The following SHROOM3 variants were observed in gnomAD, a reference collection of about 807,000 sequenced individuals.
SHROOM3 encodes the protein shroom family member 3.
In SHROOM3, 47 loss-of-function variants were observed where a neutral mutation model predicts 138.6. The ratio of observed to expected loss-of-function variants is 0.34; its 90% confidence interval spans 0.27 to 0.43. The LOEUF is 0.43. SHROOM3 is among the 20% of genes least tolerant of loss of function. SHROOM3 has a pLI of 1.00. For missense variants in SHROOM3, 2,491 were observed against 2,596.5 expected (o/e 0.96, Z 0.88); for synonymous variants, 1,062 against 1,063.3 (o/e 1.00, Z 0.02).
chr4:76,705,193 G>A (rs1577984950), intron 2 of SHROOM3, among the ~76,000 whole-genome samples: 1 of 151,890 alleles, frequency 6.6e-6, no homozygotes, highest in Non-Finnish European at 1.5e-5. Flanking sequence ...AAATAGGTTG[G>A]GCATGGTAAC....
chr4:76,479,579 T>G (rs935643046), intron 1 of SHROOM3, among the ~76,000 whole-genome samples: 1 of 152,122 alleles, frequency 6.6e-6, no homozygotes, highest in African/African-American at 2.4e-5. Flanking sequence ...CCAGGAGAAC[T>G]TCCCCAACCT....
At chr4:76,469,715 C>G (rs1731328301) in intron 1 of SHROOM3, among the ~76,000 whole-genome samples, 1 of 152,192 alleles carries the variant, frequency 6.6e-6, no homozygotes, top group African/African-American at 2.4e-5. Flanking sequence ...CCTTGGCCTC[C>G]CAAAGTGCTG....
At chr4:76,479,491 C>A (rs1731560493) in intron 1 of SHROOM3, among the ~76,000 whole-genome samples, 1 of 151,922 alleles carries the variant, frequency 6.6e-6, no homozygotes, top group African/African-American at 2.4e-5. Flanking sequence ...GTGGAAAGAC[C>A]AAACCTACAT....
chr4:76,540,157 G>C (rs932009719), intron 1 of SHROOM3, among the ~76,000 whole-genome samples: 1 of 152,190 alleles, frequency 6.6e-6, no homozygotes, highest in African/African-American at 2.4e-5. Flanking sequence ...CTGGCCTCTG[G>C]AATCTGATGG....
intron 2 of SHROOM3, among the ~76,000 whole-genome samples, chr4:76,665,985 A>C (rs1718682073): frequency 6.6e-6 from 1 of 152,208 alleles, no homozygotes; most frequent in South Asian, 2.1e-4. Context: ...GAAATCTTTA[A>C]GTGCATTAGG....
chr4:76,771,641 AG>A, intron 10 of SHROOM3, among the ~76,000 whole-genome samples: 1 of 152,088 alleles, frequency 6.6e-6, no homozygotes, highest in East Asian at 1.9e-4. Context: ...GGGAGGGTAC[AG>A]GGGGACAGGT....
intron 1 of SHROOM3, among the ~76,000 whole-genome samples, chr4:76,516,594 T>TA (rs1196432710): frequency 4.3e-4 from 65 of 149,574 alleles, no homozygotes; most frequent in African/African-American, 8.1e-4. Context: ...GAGCATGATT[T>TA]AGAAAAAAAA....
At chr4:76,656,985 G>A (rs1018367650) in intron 2 of SHROOM3, among the ~76,000 whole-genome samples, 4 of 151,964 alleles carry the variant, frequency 2.6e-5, no homozygotes, top group East Asian at 1.9e-4. Flanking sequence ...CAGCCTGGCC[G>A]ACATAGTGAA....
chr4:76,486,805 G>A (rs923249752), intron 1 of SHROOM3, among the ~76,000 whole-genome samples: 5 of 152,052 alleles, frequency 3.3e-5, no homozygotes, highest in African/African-American at 4.8e-5. Context: ...CCCTTGTGAA[G>A]GACAAAGGTC....
chr4:76,455,302 CA>C (rs1270348516), intron 1 of SHROOM3, among the ~76,000 whole-genome samples: 1 of 151,688 alleles, frequency 6.6e-6, no homozygotes, highest in Non-Finnish European at 1.5e-5. Context: ...TCTATTATGT[CA>C]CACTTTAAAA....
At chr4:76,767,066 T>C (rs552481838) in intron 9 of SHROOM3, among the ~76,000 whole-genome samples, 18 of 152,320 alleles carry the variant, frequency 1.2e-4, no homozygotes, top group African/African-American at 4.3e-4. Context: ...CCAGCACTGA[T>C]GTCTCTGAAA....
chr4:76,654,832 A>G (rs1736033370), intron 2 of SHROOM3, among the ~76,000 whole-genome samples: 2 of 152,182 alleles, frequency 1.3e-5, no homozygotes, highest in African/African-American at 4.8e-5. Flanking sequence ...TATTATATTA[A>G]CTTATTATCC....
intron 2 of SHROOM3, among the ~76,000 whole-genome samples, chr4:76,624,530 C>T (rs747749457): frequency 2.0e-5 from 3 of 152,052 alleles, no homozygotes; most frequent in South Asian, 2.1e-4. Flanking sequence ...TTTTGTTATT[C>T]GGGTTTCCAA....
chr4:76,773,106 G>A (rs575911530), intron 10 of SHROOM3, among the ~76,000 whole-genome samples: 3 of 152,268 alleles, frequency 2.0e-5, no homozygotes, highest in South Asian at 2.1e-4. Flanking sequence ...GCTGGGTGCA[G>A]TGGCTCACAC....
chr4:76,692,245 G>C (rs1719575284), intron 2 of SHROOM3, among the ~76,000 whole-genome samples: 1 of 152,158 alleles, frequency 6.6e-6, no homozygotes, highest in African/African-American at 2.4e-5. Context: ...TCAGAAACTA[G>C]TTTTCTTATG....
In SHROOM3 at chr4:76,567,514, G is replaced by C. The variant is rs140506140; in HGVS notation, c.323+11751G>C. ...AAATACAAAAAATTAGCCGGGCGTC[G>C]TGGTGAGCGCCTGTAGTCCCAGCTA... is the stretch of plus-strand genomic sequence containing the variant. On this transcript the variant is annotated intron_variant, in intron 2 of 10. Transcript: ENST00000296043. Among the ~76,000 whole-genome samples, 844 of 152,234 alleles carry C rather than the reference G, an allele frequency of 5.5e-3. 11 individuals carry two copies. Among genetic ancestry groups the C allele is most frequent in the African/African-American group, 0.019 (804 of 41,542 alleles).
At chr4:76,456,964 A>T (rs1233082732) in intron 1 of SHROOM3, among the ~76,000 whole-genome samples, 1 of 152,238 alleles carries the variant, frequency 6.6e-6, no homozygotes, top group African/African-American at 2.4e-5. Context: ...GGCGGAGATT[A>T]CAAAGTACAT....
Position 76,734,563 on chromosome 4 carries a change from T to G in SHROOM3, c.587+3628T>G, listed in dbSNP as rs1015933849. On this transcript the variant is annotated intron_variant, in intron 4 of 10. Transcript: ENST00000296043. ...TCTCACTGTGTTGCCCAGGCTGGGG[T>G]GCAGTGATGCGATCAAGGCTAACTC... Among the ~76,000 whole-genome samples, 335 of 149,630 alleles carry G rather than the reference T, an allele frequency of 2.2e-3. 1 individual carries two copies. Among genetic ancestry groups the G allele is most frequent in the African/African-American group, 8.1e-3 (328 of 40,336 alleles).
intron 2 of SHROOM3, among the ~76,000 whole-genome samples, chr4:76,614,646 C>T (rs1204675219): frequency 2.0e-5 from 3 of 152,074 alleles, no homozygotes; most frequent in African/African-American, 7.3e-5. Flanking sequence ...CCTTTGCTCC[C>T]CACCCACTAA....
Sources: gnomAD v4.1 joint callset for allele counts (sites outside exome capture counted in the v4.1 genomes callset) on GRCh38, gnomAD v4.1.1 for gene constraint, MANE v1.5 for transcripts, NCBI Gene and HGNC (gene_info 2026-07-23, HGNC 2026-07-21) for gene names.